Variants in HAUS7 observed in about 807,000 individuals in gnomAD.
The protein encoded by HAUS7 is HAUS augmin like complex subunit 7.
In HAUS7, 3 loss-of-function variants were observed where a neutral mutation model predicts 28.4. That is an observed-to-expected ratio of 0.11 (90% CI 0.05 to 0.27). The LOEUF (loss-of-function observed/expected upper bound fraction) is 0.27, where lower values mean the gene tolerates loss of function less well. HAUS7 is among the 10% of genes least tolerant of loss of function. The pLI is 1.00. For missense variants in HAUS7, 284 were observed against 297.3 expected (o/e 0.96, Z 0.33); for synonymous variants, 165 against 132.1 (o/e 1.25, Z -1.71).
At chrX:153,461,992 G>C (rs1393567698) in intron 4 of HAUS7, 1 of 493,641 alleles carries the variant, frequency 2.0e-6, no homozygotes, top group Non-Finnish European at 3.5e-6. Flanking sequence ...ACCAGCTGTA[G>C]CCCAACCACC....
At chrX:153,483,518 C>T (rs781817685) in intron 1 of HAUS7, 5 of 732,541 alleles carry the variant, frequency 6.8e-6, no homozygotes, top group Non-Finnish European at 8.1e-6. Context: ...AGAGCAGCCC[C>T]GAGAGGCAGG....
chrX:153,450,351 A>C (rs1381766491), intron 9 of HAUS7, among the ~76,000 whole-genome samples: 1 of 112,011 alleles, frequency 8.9e-6, no homozygotes, highest in Non-Finnish European at 1.9e-5. Flanking sequence ...CTTTCTTCAC[A>C]GAAGAACAGG....
At chrX:153,490,554 G>A (rs147237990) in intron 1 of HAUS7, among the ~76,000 whole-genome samples, 4,259 of 112,650 alleles carry the variant, frequency 0.038, 84 homozygotes, top group Non-Finnish European at 0.06. Context: ...GCTTCATGCC[G>A]CTTCGAGGCC....
intron 1 of HAUS7, among the ~76,000 whole-genome samples, chrX:153,478,889 G>C (rs2089579948): frequency 1.8e-5 from 2 of 112,636 alleles, no homozygotes; most frequent in South Asian, 7.3e-4. Context: ...CCCGCTCTGT[G>C]GTGGGCCTCT....
rs1052858826 is a variant in HAUS7 at position 153,454,611 on chromosome X, C to T, written c.931-103G>A. 37 of 538,434 alleles carry T rather than the reference C, an allele frequency of 6.9e-5. No individual in the cohort carries two copies. In the Middle Eastern group the frequency reaches 2.7e-3, roughly 39 times the overall value. The allele number at this position is 538,434 out of a possible 1,213,427, so 44.4% of individuals were successfully genotyped here. A position where few individuals can be genotyped will look rare whatever the true frequency, so the allele number is the denominator to read the frequency against. On this transcript the variant is annotated intron_variant, in intron 8 of 9. Coordinates refer to ENST00000370211, the MANE Select transcript of HAUS7 (RefSeq NM_001385482.1). Reference sequence around the variant, plus strand: ...CGGCATCTCCTGCTTCCCACCCCCACTCACACTGATCAGGTGGCATTCACC... The same window carrying T: ...CGGCATCTCCTGCTTCCCACCCCCATTCACACTGATCAGGTGGCATTCACC...
At chrX:153,470,703 T>G, upstream of HAUS7, 4 of 884,563 alleles carry the variant, frequency 4.5e-6, no homozygotes, top group South Asian at 7.3e-5. Context: ...CATCTCCGCC[T>G]GCGCGGGCCC....
intron 2 of HAUS7, among the ~76,000 whole-genome samples, chrX:153,465,502 C>T (rs191886327): frequency 1.2e-4 from 13 of 111,577 alleles, no homozygotes; most frequent in Admixed American, 2.8e-4. Context: ...TCTTCCCACC[C>T]GGCCCTCTGC....
At chrX:153,491,253 C>G (rs1302360786) in intron 1 of HAUS7, among the ~76,000 whole-genome samples, 2 of 112,100 alleles carry the variant, frequency 1.8e-5, no homozygotes, top group African/African-American at 6.5e-5. Context: ...GCTCTGCCCT[C>G]TAGGACTCAC....
chrX:153,470,388 G>A (rs1395300127), intron 1 of HAUS7, 62 bp downstream of exon 1: 4 of 1,130,983 alleles, frequency 3.5e-6, no homozygotes, highest in African/African-American at 3.6e-5. Flanking sequence ...AAGCCCTCCC[G>A]GGCCTCGGGC....
At chrX:153,466,152 G>A (rs1322529604) in intron 2 of HAUS7, among the ~76,000 whole-genome samples, 13 of 112,738 alleles carry the variant, frequency 1.2e-4, no homozygotes, top group Admixed American at 6.5e-4. Context: ...TAAGACAACC[G>A]TGGGTTCTGC....
chrX:153,468,603 C>G (rs1039668790), intron 2 of HAUS7, among the ~76,000 whole-genome samples: 8 of 112,442 alleles, frequency 7.1e-5, no homozygotes, highest in Non-Finnish European at 1.3e-4. Flanking sequence ...AGGCACACAC[C>G]ATGCTACACC....
intron 1 of HAUS7, among the ~76,000 whole-genome samples, chrX:153,489,418 C>A (rs1233707749): frequency 8.8e-6 from 1 of 112,999 alleles, no homozygotes; most frequent in Non-Finnish European, 1.9e-5. Context: ...CTGCTGGCTC[C>A]ATCTGAGGGT....
intron 1 of HAUS7, among the ~76,000 whole-genome samples, chrX:153,493,969 C>T (rs1282298655): frequency 1.8e-5 from 2 of 112,414 alleles, no homozygotes; most frequent in Admixed American, 9.4e-5. Flanking sequence ...TTTGGTCTTC[C>T]GCACTCTTGG....
intron 2 of HAUS7, among the ~76,000 whole-genome samples, chrX:153,466,677 G>A (rs931101378): frequency 4.4e-5 from 5 of 112,444 alleles, no homozygotes; most frequent in Admixed American, 1.9e-4. Context: ...AGGAATTCTC[G>A]CCAACCTGAA....
intron 4 of HAUS7, 93 bp downstream of exon 4, chrX:153,462,517 G>T: frequency 1.3e-6 from 1 of 764,544 alleles, no homozygotes; most frequent in Non-Finnish European, 2.0e-6. Flanking sequence ...ACTAGGGGAG[G>T]AAAATCCTCC....
At chrX:153,488,800 C>T (rs1230594105) in intron 1 of HAUS7, among the ~76,000 whole-genome samples, 4 of 112,889 alleles carry the variant, frequency 3.5e-5, no homozygotes, top group African/African-American at 1.3e-4. Flanking sequence ...GGTGAGTCCC[C>T]GACATCTCCT....
chrX:153,494,095 G>A lies in HAUS7; in HGVS notation c.-589+1279C>T, dbSNP rs1236327951. Among the ~76,000 whole-genome samples, 3 of 111,450 alleles carry A rather than the reference G, an allele frequency of 2.7e-5. No individual in the cohort carries two copies. In the South Asian group the frequency reaches 1.2e-3, roughly 43 times the overall value. ...CACTACGGGACAGGGGGGCAGTGTC[G>A]TACTAAGGACCTGGGCTCTAGCCAC... On this transcript the variant is annotated intron_variant, in intron 1 of 5. Transcript: ENST00000370210.
At position 153,454,584 on chromosome X, in the gene HAUS7, G is replaced by A. The variant is rs1042921750; in HGVS notation, c.931-76C>T. On this transcript the variant is annotated intron_variant, in intron 8 of 9. Transcript: ENST00000370211. The stretch of plus-strand genomic sequence containing the variant: ...CTAAATGCCGCTGGTCTCACGTAGC[G>A]ACGGCATCTCCTGCTTCCCACCCCC... 4.9e-5 allele frequency: 29 copies of A among 595,753 alleles called. No homozygotes were observed. In the South Asian group the frequency reaches 6.7e-4, roughly 14 times the overall value. The allele number at this position is 595,753 out of a possible 1,213,427, so 49.1% of individuals were successfully genotyped here. A position where few individuals can be genotyped will look rare whatever the true frequency, so the allele number is the denominator to read the frequency against.
At chrX:153,474,166 C>T (rs2089546915), upstream of HAUS7, among the ~76,000 whole-genome samples, 1 of 112,527 alleles carries the variant, frequency 8.9e-6, no homozygotes, top group African/African-American at 3.2e-5. Context: ...CGTTCTCCTC[C>T]TAGGCCTCCG....
Sources: gnomAD v4.1 joint callset for allele counts (sites outside exome capture counted in the v4.1 genomes callset) on GRCh38, gnomAD v4.1.1 for gene constraint, MANE v1.5 for transcripts, NCBI Gene and HGNC (gene_info 2026-07-23, HGNC 2026-07-21) for gene names.